The following EFHD1 variants were observed in gnomAD, a reference collection of about 807,000 sequenced individuals.
EFHD1 encodes EF-hand domain-containing protein D1.
In EFHD1, 10 loss-of-function variants were observed where a neutral mutation model predicts 17.2. That is an observed-to-expected ratio of 0.58 (90% CI 0.36 to 0.99). The LOEUF (loss-of-function observed/expected upper bound fraction) is 0.99. Among genes scored for constraint, EFHD1 ranks in the 50% least tolerant of loss-of-function variants. EFHD1 has a pLI of 0.01. For synonymous variants in EFHD1, 153 were observed against 142.0 expected, an observed-to-expected ratio of 1.08 and a Z score of -0.55; for missense variants, 310 against 327.5, an observed-to-expected ratio of 0.95 and a Z score of 0.41.
At position 232,633,813 on chromosome 2, in the gene EFHD1, A is replaced by AAGCCCG. The variant is rs1254317682; in HGVS notation, c.120_125dup (p.Glu41_Pro42dup). 1.2e-5 allele frequency: 17 copies of AAGCCCG among 1,471,782 alleles called. No individual in the cohort carries two copies. Among genetic ancestry groups the AAGCCCG allele is most frequent in the Non-Finnish European group, 1.4e-5 (16 of 1,120,906 alleles). The allele number at this position is 1,471,782 out of a possible 1,614,324, so 91.2% of individuals were successfully genotyped here. ...CCTCGGCGCCCCAGCCCCGGAGCCC[A>AAGCCCG]AGCCCGAGCCCGAGCCTCCCGCCCG... On this transcript the variant is annotated inframe_insertion, in exon 1 of 4. Coordinates refer to ENST00000264059, the MANE Select transcript of EFHD1 (RefSeq NM_025202.4).
At position 232,638,489 on chromosome 2, in the gene EFHD1, G is replaced by A. The variant is rs549526726; in HGVS notation, c.302+4483G>A. 4.8e-4 allele frequency: 226 copies of A among 470,818 alleles called. 1 individual carries two copies. Among genetic ancestry groups the A allele is most frequent in the Middle Eastern group, 1.6e-3 (5 of 3,064 alleles). 29.2% of individuals were successfully genotyped at this position (470,818 alleles called of 1,614,324 possible). A position where few individuals can be genotyped will look rare whatever the true frequency, so the allele number is the denominator to read the frequency against. On this transcript the variant is annotated intron_variant, in intron 1 of 3. Coordinates refer to ENST00000264059, the MANE Select transcript of EFHD1 (RefSeq NM_025202.4). Reference sequence around the variant, plus strand: ...ACACCAGTGAAACCCAAAAAGGTGAGGCTGTCGTGGAATTCTTCATTTCTC... The same window carrying A: ...ACACCAGTGAAACCCAAAAAGGTGAAGCTGTCGTGGAATTCTTCATTTCTC...
At chr2:232,630,835 T>TA (rs1455926438), upstream of EFHD1, among the ~76,000 whole-genome samples, 1 of 151,800 alleles carries the variant, frequency 6.6e-6, no homozygotes, top group Non-Finnish European at 1.5e-5. Flanking sequence ...ATTTTTAATT[T>TA]AAAAAATTTT....
At chr2:232,632,070 A>C (rs1416671341), upstream of EFHD1, among the ~76,000 whole-genome samples, 4 of 152,066 alleles carry the variant, frequency 2.6e-5, no homozygotes, top group Admixed American at 6.5e-5. Context: ...TTTTGACCTT[A>C]TTTCTCTGAA....
chr2:232,647,374 G>GCTGCCCTGGCCTGC (rs755150745), intron 1 of EFHD1, among the ~76,000 whole-genome samples: 10 of 152,360 alleles, frequency 6.6e-5, no homozygotes, highest in Non-Finnish European at 1.5e-4. Flanking sequence ...CGTTGGGCTG[G>GCTGCCCTGGCCTGC]CTGCCCTGGC....
In EFHD1 at chr2:232,628,254, T is replaced by A. The variant is rs185661625; in HGVS notation, c.14+22081T>A. Among the ~76,000 whole-genome samples the A allele has an allele frequency of 3.6e-4, 55 of 151,796 alleles. No individual in the cohort carries two copies. In the East Asian group the frequency reaches 0.01, roughly 28 times the overall value. ...TTTTGTATGTTTAGTAGAGACGGGG[T>A]TTCACCGTGTTGGCCAGGCTGGTCT... On this transcript the variant is annotated intron_variant, in intron 1 of 3. Transcript: ENST00000409613.
At chr2:232,663,109 A>C (rs1008065280) in intron 2 of EFHD1, among the ~76,000 whole-genome samples, 160 bp downstream of exon 2, 1 of 152,214 alleles carries the variant, frequency 6.6e-6, no homozygotes, top group Non-Finnish European at 1.5e-5. Context: ...GGTGACAGCT[A>C]ACCCCAGTGC....
chr2:232,647,171 T>C (rs999766139), intron 1 of EFHD1, among the ~76,000 whole-genome samples: 3 of 152,252 alleles, frequency 2.0e-5, no homozygotes, highest in Admixed American at 2.0e-4. Context: ...AGGGCACTTA[T>C]GTTCCAGCCC....
chr2:232,672,846 T>C lies in EFHD1; in HGVS notation c.585+403T>C, dbSNP rs1695104391. Among the ~76,000 whole-genome samples, 4 of 152,298 alleles carry C rather than the reference T, an allele frequency of 2.6e-5. No individual in the cohort carries two copies. The South Asian group carries it at 6.2e-4, about 24-fold the overall frequency. On this transcript the variant is annotated intron_variant, in intron 3 of 3. Transcript: ENST00000264059. ...GAAGCTTGCCCAGAGACAGAGTGCC[T>C]TGGTGACATATCCTGGCCTGCCCAG...
intron 1 of EFHD1, among the ~76,000 whole-genome samples, chr2:232,647,428 G>A (rs1694553406): frequency 6.6e-6 from 1 of 152,308 alleles, no homozygotes; most frequent in Admixed American, 6.5e-5. Context: ...ACACCCCCTC[G>A]TCGGGGCCTC....
At chr2:232,623,673 C>CAAAAAAAAAAAAAAAAAAAAAA (rs756932393) in intron 1 of EFHD1, among the ~76,000 whole-genome samples, 1 of 86,642 alleles carries the variant, frequency 1.2e-5, no homozygotes, top group Admixed American at 1.5e-4. Flanking sequence ...AGTCTCTGTC[C>CAAAAAAAAAAAAAAAAAAAAAA]AAAAAAAAAA....
At chr2:232,609,054 CTTTTTTTTTTTTTT>C (rs1244427931) in intron 1 of EFHD1, among the ~76,000 whole-genome samples, 2 of 82,264 alleles carry the variant, frequency 2.4e-5, no homozygotes, top group Non-Finnish European at 4.3e-5. Flanking sequence ...TGCATAAGTT[CTTTTTTTTTTTTTT>C]TTTTTTTTTT....
chr2:232,615,148 T>TA (rs1693901259), intron 1 of EFHD1, among the ~76,000 whole-genome samples: 2 of 152,240 alleles, frequency 1.3e-5, no homozygotes, highest in South Asian at 4.1e-4. Flanking sequence ...CACCACCACT[T>TA]ACAGCTCGAA....
intron 1 of EFHD1, among the ~76,000 whole-genome samples, chr2:232,654,717 C>T (rs1360357594): frequency 5.9e-5 from 9 of 152,122 alleles, no homozygotes; most frequent in South Asian, 2.1e-4. Context: ...CGTGAGCCAC[C>T]GTGCCCTGCC....
chr2:232,607,924 T>C (rs921967405), intron 1 of EFHD1, among the ~76,000 whole-genome samples: 7 of 109,550 alleles, frequency 6.4e-5, no homozygotes, highest in African/African-American at 1.3e-4. Flanking sequence ...CAAGACCCTG[T>C]CTCTATTTTT....
upstream of EFHD1, among the ~76,000 whole-genome samples, chr2:232,628,823 T>C (rs1694151940): frequency 1.3e-5 from 2 of 152,200 alleles, no homozygotes; most frequent in African/African-American, 4.8e-5. Context: ...CTCCCTCCCC[T>C]TTGTCACTGG....
At chr2:232,613,695 TAC>T (rs1381637785) in intron 1 of EFHD1, among the ~76,000 whole-genome samples, 23 of 128,810 alleles carry the variant, frequency 1.8e-4, no homozygotes, top group Admixed American at 9.8e-4. Flanking sequence ...TACACAAATA[TAC>T]ACACACATAC....
intron 1 of EFHD1, among the ~76,000 whole-genome samples, chr2:232,616,554 C>T (rs957673225): frequency 6.6e-6 from 1 of 152,182 alleles, no homozygotes; most frequent in African/African-American, 2.4e-5. Flanking sequence ...CCACCTCGGC[C>T]TCCCAAAGTG....
chr2:232,644,842 A>G (rs1428633019), intron 1 of EFHD1, among the ~76,000 whole-genome samples: 1 of 120,114 alleles, frequency 8.3e-6, no homozygotes, highest in East Asian at 2.3e-4. Flanking sequence ...GGGTTTCTCC[A>G]TGTTGGTCAG....
At chr2:232,621,150 G>C (rs4973048) in intron 1 of EFHD1, among the ~76,000 whole-genome samples, 4,154 of 152,274 alleles carry the variant, frequency 0.027, 329 homozygotes, top group East Asian at 0.21. Context: ...GTGGGCTTTT[G>C]AAATCATGAA....
Sources: gnomAD v4.1 joint callset for allele counts (sites outside exome capture counted in the v4.1 genomes callset) on GRCh38, gnomAD v4.1.1 for gene constraint, MANE v1.5 for transcripts, NCBI Gene and HGNC (gene_info 2026-07-23, HGNC 2026-07-21) for gene names.